Variants in C3 observed in about 807,000 individuals in gnomAD.
C3 encodes C3 and PZP-like alpha-2-macroglobulin domain-containing protein 1.
C3 carries 97 observed loss-of-function variants against 207.9 expected under a neutral mutation model. The observed-to-expected ratio is 0.47, with a 90% CI of 0.40 to 0.55. C3 has a LOEUF of 0.55. Among genes scored for constraint, C3 ranks in the 20% least tolerant of loss-of-function variants. The probability of loss-of-function intolerance (pLI) is 0.00; values close to 1 mark genes in which losing one functional copy is unlikely to be tolerated. For missense variants in C3, 1,684 were observed against 2,171.7 expected, an observed-to-expected ratio of 0.78 and a Z score of 4.46; for synonymous variants, 848 against 857.6, an observed-to-expected ratio of 0.99 and a Z score of 0.20.
chr19:6,697,608 C>T (rs748647881), intron 20 of C3, 44 bp downstream of exon 20: 7 of 1,613,336 alleles, frequency 4.3e-6, no homozygotes, highest in South Asian at 1.1e-5. Flanking sequence ...AGGCTACCTA[C>T]CCCCTGGCAG....
rs73498372 is a variant in C3 at position 6,717,283 on chromosome 19, G to A, written c.504+811C>T. 9.5e-3 allele frequency: 1,464 copies of A among 154,008 alleles called. 29 individuals carry two copies. The highest frequency in any genetic ancestry group is 0.033 in the African/African-American group (1,388 of 41,536). 9.5% of individuals were successfully genotyped at this position (154,008 alleles called of 1,614,324 possible). A position where few individuals can be genotyped will look rare whatever the true frequency, so the allele number is the denominator to read the frequency against. ...ACATACAATTATCCGTCATGATCCC[G>A]ATATTCAGATAAGGTAACTGAGGCT... On this transcript the variant is annotated intron_variant, in intron 4 of 40. Coordinates refer to ENST00000245907, the MANE Select transcript of C3 (RefSeq NM_000064.4).
chr19:6,718,992 T>C (rs1362314599), intron 2 of C3, among the ~76,000 whole-genome samples: 1 of 16,076 alleles, frequency 6.2e-5, no homozygotes, highest in Non-Finnish European at 1.2e-4. Context: ...TGGGGGGGGG[T>C]CTCAGAAAAG....
chr19:6,684,469 G>A, intron 32 of C3, 30 bp from the exon 33 acceptor site: 1 of 1,601,654 alleles, frequency 6.2e-7, no homozygotes, highest in Non-Finnish European at 8.6e-7. Context: ...AAAGATGGGA[G>A]AGGGTATACC....
intron 23 of C3, among the ~76,000 whole-genome samples, chr19:6,694,847 G>A (rs1967498374): frequency 6.6e-6 from 1 of 152,170 alleles, no homozygotes; most frequent in Non-Finnish European, 1.5e-5. Context: ...CTTCACAGGG[G>A]CACCCTGGTC....
At chr19:6,697,124 G>T (rs931302472) in intron 21 of C3, among the ~76,000 whole-genome samples, 2 of 151,580 alleles carry the variant, frequency 1.3e-5, no homozygotes, top group Non-Finnish European at 1.5e-5. Flanking sequence ...GATGGTCGAC[G>T]AGGTTTTTGG....
At chr19:6,702,800 G>A (rs1967702958) in intron 17 of C3, 1 of 476,386 alleles carries the variant, frequency 2.1e-6, no homozygotes, top group South Asian at 2.0e-5. Flanking sequence ...TTGGGAGGCT[G>A]AGGTGGGTGG....
At position 6,694,320 on chromosome 19, in the gene C3, A is replaced by G. The variant is rs900494788; in HGVS notation, c.3154+111T>C. 36 of 917,640 alleles carry G rather than the reference A, an allele frequency of 3.9e-5. No homozygotes were observed. The African/African-American group carries it at 5.7e-4, about 15-fold the overall frequency. The allele number at this position is 917,640 out of a possible 1,614,324, so 56.8% of individuals were successfully genotyped here. ...CTCAAATGAGGGGAGTGGCTAGGAG[A>G]GAAGGTGGAGCCTCAGGGGAGGGCG... On this transcript the variant is annotated intron_variant, in intron 24 of 40. Coordinates refer to ENST00000245907, the MANE Select transcript of C3 (RefSeq NM_000064.4).
chr19:6,685,328 G>A (rs1253495486), intron 29 of C3, among the ~76,000 whole-genome samples, 182 bp from the exon 30 acceptor site: 5 of 152,140 alleles, frequency 3.3e-5, no homozygotes, highest in Admixed American at 6.5e-5. Flanking sequence ...AGAACTCTCC[G>A]AGAGACAGAA....
chr19:6,707,122 C>A lies in C3; in HGVS notation c.2199G>T (p.Glu733Asp). 6.2e-7 allele frequency: 1 copy of A among 1,613,520 alleles called. No individual in the cohort carries two copies. The highest frequency in any genetic ancestry group is 8.5e-7 in the Non-Finnish European group (1 of 1,179,870). ...TGGCCCGCGCGTGCTGCCGCCGCAGCTCTGTGATGTAGTTGCAGCAGTCCA... is the reference window on the plus strand; with the variant it reads ...TGGCCCGCGCGTGCTGCCGCCGCAGATCTGTGATGTAGTTGCAGCAGTCCA... ...VFLDCCNYIT[E>D]LRRQHARASH... Residue 733 changes from glutamate (E) to aspartate (D), a missense_variant, in exon 17 of 41, where the codon GAG becomes GAT. By Grantham distance (45) the Glu-to-Asp change is conservative. Coordinates refer to ENST00000245907, the MANE Select transcript of C3 (RefSeq NM_000064.4).
Position 6,711,029 on chromosome 19 carries a change from C to G in C3, c.1437G>C (p.Met479Ile), listed in dbSNP as rs781253561. ...GGATCTTGGCCTCGTGGGCGCGGTC[C>G]ATTCGCAGGAGGAAGTTGACGTTGA... ...ETLNVNFLLR[M>I]DRAHEAKIRY... The change falls in exon 12 of 41, where the codon ATG becomes ATC. Residue 479 changes from methionine (M) to isoleucine (I), a missense_variant. Around this residue, in one of 3 missense-constraint regions of C3, gnomAD observed 1,280 missense variants for 1,739.1 expected, o/e 0.74. Coordinates refer to ENST00000245907, the MANE Select transcript of C3 (RefSeq NM_000064.4). The G allele has an allele frequency of 9.3e-6, 15 of 1,614,016 alleles. No homozygotes were observed. The highest frequency in any genetic ancestry group is 7.6e-6 in the Non-Finnish European group (9 of 1,180,030).
chr19:6,700,562 AATATATGATATATTAT>A (rs1967641350), intron 19 of C3, among the ~76,000 whole-genome samples: 1 of 41,906 alleles, frequency 2.4e-5, no homozygotes. Context: ...TAATATATGT[AATATATGATATATTAT>A]ATATGTAATA....
chr19:6,691,072 T>G (rs75364340), intron 26 of C3, among the ~76,000 whole-genome samples: 22 of 147,448 alleles, frequency 1.5e-4, no homozygotes, highest in Middle Eastern at 6.9e-3. Context: ...TTTTTTTTTT[T>G]GGGACAGTTT....
In C3 at chr19:6,719,126, A is replaced by G; in HGVS notation, c.267+85T>C. On this transcript the variant is annotated intron_variant, in intron 2 of 40. Coordinates refer to ENST00000245907, the MANE Select transcript of C3 (RefSeq NM_000064.4). This position sits in a 1 kb window ranked among gnomAD's most constrained non-coding sequence, Gnocchi z 5.4. ...GAAGGGCAGGGCTTAGAAAGGGAGA[A>G]GACAGAAGGGGAGGGGCTCAGGAGG... is the stretch of plus-strand genomic sequence containing the variant. The G allele has an allele frequency of 8.5e-7, 1 of 1,179,144 alleles. No homozygotes were observed. The highest frequency in any genetic ancestry group is 1.2e-6 in the Non-Finnish European group (1 of 801,148). The allele number at this position is 1,179,144 out of a possible 1,614,324, so 73.0% of individuals were successfully genotyped here.
chr19:6,692,808 ATC>A, intron 26 of C3, 114 bp downstream of exon 26: 1 of 1,297,648 alleles, frequency 7.7e-7, no homozygotes, highest in East Asian at 2.3e-5. Context: ...CCCCAGCCCA[ATC>A]TTTGCAAAGG....
intron 19 of C3, among the ~76,000 whole-genome samples, chr19:6,698,123 TCTC>T (rs1183008239): frequency 1.3e-5 from 2 of 151,966 alleles, no homozygotes; most frequent in African/African-American, 4.8e-5. Context: ...TTCAAGCAAT[TCTC>T]CTGCCTCAGC....
chr19:6,709,615 A>AACC, intron 14 of C3, 69 bp downstream of exon 14: 3 of 403,606 alleles, frequency 7.4e-6, no homozygotes, highest in Non-Finnish European at 1.3e-5. Flanking sequence ...CTCCAGTCCC[A>AACC]CCCACCTCCC....
chr19:6,686,378 C>T, intron 28 of C3, 91 bp from the exon 29 acceptor site: 1 of 1,402,416 alleles, frequency 7.1e-7, no homozygotes. Flanking sequence ...GCATGCTAGA[C>T]TTCCTGGTGT....
intron 24 of C3, among the ~76,000 whole-genome samples, chr19:6,694,126 G>T (rs186088963): frequency 9.4e-6 from 1 of 106,336 alleles, no homozygotes; most frequent in East Asian, 3.0e-4. Flanking sequence ...GGGGTCTCAT[G>T]AAGAGCCTGG....
At chr19:6,691,196 A>G (rs1222668862) in intron 26 of C3, among the ~76,000 whole-genome samples, 3 of 151,806 alleles carry the variant, frequency 2.0e-5, no homozygotes, top group Admixed American at 2.0e-4. Context: ...TGGGATTACA[A>G]GCATGCACCA....
Sources: gnomAD v4.1 joint callset for allele counts (sites outside exome capture counted in the v4.1 genomes callset) on GRCh38, gnomAD v4.1.1 for gene constraint, gnomAD v4.1.1 regional missense constraint, Gnocchi (gnomAD v3.1) non-coding constraint, MANE v1.5 for transcripts, NCBI Gene and HGNC (gene_info 2026-07-23, HGNC 2026-07-21) for gene names.